Variants in NFAM1 observed in about 807,000 individuals in gnomAD.
NFAM1 encodes the protein NFAT activating protein with ITAM motif 1, also known as NFAT activation molecule 1.
A neutral mutation model predicts 29.0 loss-of-function variants in NFAM1; 17 were observed. The ratio of observed to expected loss-of-function variants is 0.59; its 90% CI spans 0.40 to 0.88. The LOEUF is 0.88. Among genes scored for constraint, NFAM1 ranks in the 40% least tolerant of loss-of-function variants. The probability of loss-of-function intolerance (pLI) is 0.00; values close to 1 mark genes in which losing one functional copy is unlikely to be tolerated. For missense variants in NFAM1, 324 were observed against 344.6 expected (o/e 0.94, Z 0.47); for synonymous variants, 175 against 147.2 (o/e 1.19, Z -1.36).
intron 4 of NFAM1, among the ~76,000 whole-genome samples, chr22:42,389,016 C>G (rs1929242274): frequency 6.6e-6 from 1 of 152,194 alleles, no homozygotes. Context: ...CCTGTGCCCC[C>G]AACCCTCCAC....
intron 1 of NFAM1, among the ~76,000 whole-genome samples, chr22:42,420,229 C>T (rs1054359992): frequency 2.0e-5 from 3 of 151,776 alleles, no homozygotes; most frequent in Non-Finnish European, 4.4e-5. Context: ...AGGCTAGTCT[C>T]GAACTCCTGA....
chr22:42,411,457 T>C lies in NFAM1; in HGVS notation c.401A>G (p.His134Arg), dbSNP rs763237020. ...SATGTYYCSV[H>R]WPHSTVRGSG... ...GCCTCTCACCGTGGAGTGTGGCCAGTGGACAGAGCAGTAGTAGGTGCCAGT... is the reference window on the plus strand; with the variant it reads ...GCCTCTCACCGTGGAGTGTGGCCAGCGGACAGAGCAGTAGTAGGTGCCAGT... The change falls in exon 2 of 6, where the codon CAC becomes CGC. Residue 134 changes from histidine (H) to arginine (R), a missense_variant. His to Arg is a conservative substitution (Grantham distance 29). Transcript: ENST00000329021. 6.8e-6 allele frequency: 11 copies of C among 1,614,032 alleles called. No homozygotes were observed. The African/African-American group carries it at 9.3e-5, about 14-fold the overall frequency.
intron 3 of NFAM1, among the ~76,000 whole-genome samples, chr22:42,398,400 A>ATTC (rs1462791013): frequency 2.4e-5 from 3 of 126,062 alleles, no homozygotes; most frequent in Non-Finnish European, 3.3e-5. Context: ...TATTATTATT[A>ATTC]TTATTATTAT....
chr22:42,432,008 C>T (rs982188740), intron 1 of NFAM1, among the ~76,000 whole-genome samples: 6 of 152,118 alleles, frequency 3.9e-5, no homozygotes, highest in Admixed American at 1.3e-4. Context: ...GTCACAGCAG[C>T]GAGGGAGAGA....
At chr22:42,385,742 C>T (rs891332208) in intron 5 of NFAM1, among the ~76,000 whole-genome samples, 7 of 152,190 alleles carry the variant, frequency 4.6e-5, no homozygotes, top group Admixed American at 2.0e-4. Flanking sequence ...TGTCCAGCAC[C>T]CCAGGGCCTG....
intron 1 of NFAM1, among the ~76,000 whole-genome samples, chr22:42,423,642 C>G (rs1930520607): frequency 6.6e-6 from 1 of 152,060 alleles, no homozygotes; most frequent in African/African-American, 2.4e-5. Context: ...CCACTTGAGT[C>G]CAGGAGTTTG....
chr22:42,436,744 C>T (rs1355478019), upstream of NFAM1, among the ~76,000 whole-genome samples: 1 of 152,254 alleles, frequency 6.6e-6, no homozygotes, highest in African/African-American at 2.4e-5. Context: ...GTTATGACTG[C>T]TCCTGCTTCG....
At chr22:42,405,274 C>G (rs1929858191) in intron 3 of NFAM1, among the ~76,000 whole-genome samples, 1 of 152,220 alleles carries the variant, frequency 6.6e-6, no homozygotes, top group Admixed American at 6.5e-5. Flanking sequence ...TGGCCCCGTT[C>G]TGTTCCTTGC....
In NFAM1 at chr22:42,409,569, C is replaced by T. The variant is rs756059747; in HGVS notation, c.452-22G>A. On this transcript the variant is annotated intron_variant, in intron 2 of 5. Coordinates refer to ENST00000329021, the MANE Select transcript of NFAM1 (RefSeq NM_145912.8). The surrounding 1 kb of genome is among the most constrained non-coding windows in gnomAD (Gnocchi z 4.9). ...GCGTCTAGGAGGAAGCGCAGGGGAGCAGAGGGGTCAGTGACCCAGGAGAAA... is the reference window on the plus strand; with the variant it reads ...GCGTCTAGGAGGAAGCGCAGGGGAGTAGAGGGGTCAGTGACCCAGGAGAAA... 1.6e-6 allele frequency: 2 copies of T among 1,255,374 alleles called. No individual in the cohort carries two copies. Among genetic ancestry groups the T allele is most frequent in the African/African-American group, 1.5e-5 (1 of 64,784 alleles). 77.8% of individuals were successfully genotyped at this position (1,255,374 alleles called of 1,614,324 possible). A position where few individuals can be genotyped will look rare whatever the true frequency, so the allele number is the denominator to read the frequency against.
upstream of NFAM1, among the ~76,000 whole-genome samples, chr22:42,434,240 G>A (rs564675121): frequency 6.6e-6 from 1 of 152,200 alleles, no homozygotes; most frequent in African/African-American, 2.4e-5. Flanking sequence ...CCTGGCCCAG[G>A]GGGTGCAGGA....
intron 4 of NFAM1, 138 bp from the exon 5 acceptor site, chr22:42,387,216 C>G (rs544731279): frequency 4.3e-4 from 218 of 512,432 alleles, no homozygotes; most frequent in Admixed American, 1.9e-3. Context: ...ACCTTTGCAC[C>G]TGCCACCCCC....
rs958356311 is a variant in NFAM1, at chr22:42,419,275, T to C, written c.122-7539A>G. Among the ~76,000 whole-genome samples the C allele has an allele frequency of 1.3e-5, 2 of 152,120 alleles. No individual in the cohort carries two copies. Among genetic ancestry groups the C allele is most frequent in the African/African-American group, 2.4e-5 (1 of 41,428 alleles). On this transcript the variant is annotated intron_variant, in intron 1 of 5. Transcript: ENST00000329021. This position sits in a 1 kb window ranked among gnomAD's most constrained non-coding sequence, Gnocchi z 4.5. ...TCCTGCCCAACCAGGGCTGTCTCTG[T>C]GGCTCTGAGTCCCCAGCGATCCACA...
intron 4 of NFAM1, 44 bp downstream of exon 4, chr22:42,397,814 A>C: frequency 2.9e-4 from 287 of 978,856 alleles, no homozygotes; most frequent in Non-Finnish European, 4.3e-4. Flanking sequence ...GACTCTGCCT[A>C]AGGCCTGAAA....
intron 1 of NFAM1, 79 bp from the exon 2 acceptor site, chr22:42,411,815 C>T (rs1178337331): frequency 1.6e-5 from 15 of 966,376 alleles, no homozygotes; most frequent in Admixed American, 1.0e-4. Flanking sequence ...TTAAGGCTCA[C>T]GACCGGGTGC....
At chr22:42,414,478 G>A (rs1020186744) in intron 1 of NFAM1, among the ~76,000 whole-genome samples, 1 of 151,600 alleles carries the variant, frequency 6.6e-6, no homozygotes, top group Non-Finnish European at 1.5e-5. Flanking sequence ...GGTGGCGCGT[G>A]TCTGTAATCC....
chr22:42,412,656 C>A (rs557311445), intron 1 of NFAM1, among the ~76,000 whole-genome samples: 21 of 152,322 alleles, frequency 1.4e-4, no homozygotes, highest in Non-Finnish European at 2.8e-4. Flanking sequence ...CGTTTCCTGG[C>A]GGTAGACAGA....
At chr22:42,407,333 C>T (rs1929933214) in intron 3 of NFAM1, among the ~76,000 whole-genome samples, 1 of 152,006 alleles carries the variant, frequency 6.6e-6, no homozygotes, top group African/African-American at 2.4e-5. Context: ...CCGCCTGTCT[C>T]GGCCTCCCAA....
At chr22:42,417,938 C>T (rs953921246) in intron 1 of NFAM1, among the ~76,000 whole-genome samples, 1 of 152,226 alleles carries the variant, frequency 6.6e-6, no homozygotes, top group African/African-American at 2.4e-5. Flanking sequence ...CCCACCCCCA[C>T]AGAACTGCAA....
chr22:42,426,991 G>A (rs575915010), intron 1 of NFAM1, among the ~76,000 whole-genome samples: 120 of 152,218 alleles, frequency 7.9e-4, no homozygotes, highest in African/African-American at 2.7e-3. Context: ...GGGGGGGCTC[G>A]TGGAGGTTCA....
Sources: gnomAD v4.1 joint callset for allele counts (sites outside exome capture counted in the v4.1 genomes callset) on GRCh38, gnomAD v4.1.1 for gene constraint, Gnocchi (gnomAD v3.1) non-coding constraint, MANE v1.5 for transcripts, NCBI Gene and HGNC (gene_info 2026-07-23, HGNC 2026-07-21) for gene names.